Variants in PRR16 observed in about 807,000 individuals in gnomAD.
PRR16 encodes the protein protein Largen.
In PRR16, 6 loss-of-function variants were observed where a neutral mutation model predicts 18.2. That is an observed-to-expected ratio of 0.33 (90% CI 0.18 to 0.65). The LOEUF (loss-of-function observed/expected upper bound fraction) is 0.65, where lower values mean the gene tolerates loss of function less well. PRR16 is among the 30% of genes least tolerant of loss of function. The pLI is 0.74. For synonymous variants in PRR16, 151 were observed against 147.8 expected (o/e 1.02, Z -0.16); for missense variants, 412 against 376.6 (o/e 1.09, Z -0.78).
the PRR16 span, among the ~76,000 whole-genome samples, chr5:120,752,516 C>G: frequency 6.6e-6 from 1 of 151,762 alleles, no homozygotes; most frequent in Non-Finnish European, 1.5e-5. Flanking sequence ...CTTATTTGTG[C>G]TTAGACCAAA....
chr5:120,579,226 C>A (rs1292213788), intron 1 of PRR16, among the ~76,000 whole-genome samples: 2 of 152,076 alleles, frequency 1.3e-5, no homozygotes, highest in African/African-American at 4.8e-5. Context: ...ATGATAGTTT[C>A]TTTTGCTGTG....
At position 120,584,316 on chromosome 5, in the gene PRR16, A is replaced by G. The variant is rs12523511; in HGVS notation, c.160-101638A>G. On this transcript the variant is annotated intron_variant, in intron 1 of 1. Coordinates refer to ENST00000407149, the MANE Select transcript of PRR16 (RefSeq NM_001300783.2). ...CTTAGAGACTTGGTAAGGAGTTTTT[A>G]AAAGAGGACATCAAAAATTATAAGC... 7.7e-4 allele frequency among the ~76,000 whole-genome samples: 118 copies of G among 152,296 alleles called. 1 individual carries two copies. Among genetic ancestry groups the G allele is most frequent in the Admixed American group, 7.1e-3 (109 of 15,292 alleles).
intron 1 of PRR16, among the ~76,000 whole-genome samples, chr5:120,582,894 G>A (rs560832921): frequency 2.6e-4 from 40 of 152,324 alleles, no homozygotes; most frequent in African/African-American, 9.4e-4. Flanking sequence ...TCTAAAGCAA[G>A]GTGGCTTGAA....
At chr5:120,518,553 C>A (rs947298422) in intron 1 of PRR16, among the ~76,000 whole-genome samples, 1 of 148,544 alleles carries the variant, frequency 6.7e-6, no homozygotes, top group African/African-American at 2.5e-5. Context: ...AAAGGCTATC[C>A]TCATTAAAAT....
At chr5:120,646,882 A>G (rs931431748) in intron 1 of PRR16, among the ~76,000 whole-genome samples, 10 of 152,174 alleles carry the variant, frequency 6.6e-5, no homozygotes, top group Admixed American at 1.3e-4. Context: ...AGAATAATAG[A>G]TATCAGAAAC....
intron 1 of PRR16, among the ~76,000 whole-genome samples, chr5:120,525,826 G>A (rs1221192398): frequency 6.6e-6 from 1 of 152,096 alleles, no homozygotes; most frequent in East Asian, 1.9e-4. Flanking sequence ...TCAAGTTGGT[G>A]CAATAGATGT....
At chr5:120,612,799 ATTC>A (rs1342518389) in intron 1 of PRR16, among the ~76,000 whole-genome samples, 1 of 152,186 alleles carries the variant, frequency 6.6e-6, no homozygotes, top group African/African-American at 2.4e-5. Flanking sequence ...AATAAATGTA[ATTC>A]TTTTTATTGC....
At chr5:120,673,312 T>C (rs1018342806) in intron 1 of PRR16, among the ~76,000 whole-genome samples, 3 of 152,242 alleles carry the variant, frequency 2.0e-5, no homozygotes, top group African/African-American at 7.2e-5. Flanking sequence ...TGGTGCATGA[T>C]GATTTGGGGC....
At chr5:120,664,797 T>C (rs1384529298) in intron 1 of PRR16, among the ~76,000 whole-genome samples, 1 of 143,118 alleles carries the variant, frequency 7.0e-6, no homozygotes, top group East Asian at 1.9e-4. Flanking sequence ...CATCATTTTT[T>C]ATGGCTGCAT....
chr5:120,549,786 A>G (rs1328652287), intron 1 of PRR16, among the ~76,000 whole-genome samples: 1 of 152,078 alleles, frequency 6.6e-6, no homozygotes, highest in East Asian at 1.9e-4. Context: ...AATTTAACAA[A>G]TGCTTTTGGA....
At chr5:120,772,767 G>T in the PRR16 span, among the ~76,000 whole-genome samples, 1 of 151,976 alleles carries the variant, frequency 6.6e-6, no homozygotes, top group East Asian at 1.9e-4. Context: ...TACAGTCTTT[G>T]ATGCTCACAA....
intron 1 of PRR16, among the ~76,000 whole-genome samples, chr5:120,484,364 T>TTATAG (rs397824829): frequency 6.8e-6 from 1 of 145,992 alleles, no homozygotes; most frequent in Non-Finnish European, 1.5e-5. Context: ...ATAAAATATA[T>TTATAG]AATACATGAA....
At chr5:120,736,115 T>C in the PRR16 span, among the ~76,000 whole-genome samples, 1 of 152,194 alleles carries the variant, frequency 6.6e-6, no homozygotes, top group African/African-American at 2.4e-5. Flanking sequence ...TTGTCAAAGA[T>C]CATTTGACCA....
At chr5:120,729,490 C>T in the PRR16 span, among the ~76,000 whole-genome samples, 5 of 152,086 alleles carry the variant, frequency 3.3e-5, no homozygotes, top group Admixed American at 1.3e-4. Flanking sequence ...GTCTATTATG[C>T]GGCCAACATG....
the PRR16 span, among the ~76,000 whole-genome samples, chr5:120,773,075 T>G: frequency 6.6e-6 from 1 of 152,160 alleles, no homozygotes. Flanking sequence ...CAAAGGAATG[T>G]AATCTGTGTG....
intron 1 of PRR16, among the ~76,000 whole-genome samples, chr5:120,466,972 C>T (rs1427114769): frequency 6.6e-6 from 1 of 152,100 alleles, no homozygotes; most frequent in Non-Finnish European, 1.5e-5. Flanking sequence ...AAAACATCGG[C>T]TATTCATAGA....
intron 1 of PRR16, among the ~76,000 whole-genome samples, chr5:120,570,600 A>G (rs1332889038): frequency 6.6e-6 from 1 of 152,156 alleles, no homozygotes; most frequent in African/African-American, 2.4e-5. Flanking sequence ...GACATATACA[A>G]TAGTATTTAT....
intron 1 of PRR16, among the ~76,000 whole-genome samples, chr5:120,490,897 T>A (rs949988749): frequency 6.6e-6 from 1 of 152,186 alleles, no homozygotes; most frequent in Non-Finnish European, 1.5e-5. Flanking sequence ...TGCAGGTCTG[T>A]TGGAGTTTGC....
chr5:120,648,070 A>T (rs1405404615), intron 1 of PRR16, among the ~76,000 whole-genome samples: 1 of 152,114 alleles, frequency 6.6e-6, no homozygotes, highest in African/African-American at 2.4e-5. Flanking sequence ...TGATAAGTAT[A>T]TTTAGCTTCC....
Sources: allele counts gnomAD v4.1 joint callset (sites outside exome capture counted in the v4.1 genomes callset), GRCh38; gene constraint gnomAD v4.1.1; transcripts MANE v1.5; gene names NCBI Gene and HGNC (gene_info 2026-07-23, HGNC 2026-07-21).